C1QTNF3: variants seen among roughly 807,000 people sequenced by gnomAD.
C1QTNF3 encodes the protein C1q and TNF related 3.
Under a neutral mutation model 32.6 loss-of-function variants are expected in C1QTNF3, and 26 were observed. The observed-to-expected ratio is 0.80, with a 90% CI of 0.58 to 1.11. C1QTNF3 has a LOEUF of 1.11. C1QTNF3 is among the 50% of genes least tolerant of loss of function. The pLI is 0.00. For missense variants in C1QTNF3, 362 were observed against 398.2 expected (o/e 0.91, Z 0.77); for synonymous variants, 155 against 146.0 (o/e 1.06, Z -0.44).
chr5:34,025,250 CA>C (rs1561054653), intron 4 of C1QTNF3, among the ~76,000 whole-genome samples: 1 of 152,134 alleles, frequency 6.6e-6, no homozygotes, highest in Non-Finnish European at 1.5e-5. Flanking sequence ...TCACATTTTA[CA>C]AAATTTCCTA....
the C1QTNF3 span, among the ~76,000 whole-genome samples, chr5:34,146,106 C>T: frequency 6.6e-6 from 1 of 152,090 alleles, no homozygotes; most frequent in East Asian, 1.9e-4. Flanking sequence ...GACAAAGGTG[C>T]CCACTCTCAC....
the C1QTNF3 span, among the ~76,000 whole-genome samples, chr5:34,109,169 T>TC: frequency 7.1e-6 from 1 of 141,050 alleles, no homozygotes; most frequent in Non-Finnish European, 1.5e-5. Flanking sequence ...ATTCAAGCAG[T>TC]CCCTAGAAGC....
At chr5:34,207,443 T>C in the C1QTNF3 span, among the ~76,000 whole-genome samples, 1 of 152,188 alleles carries the variant, frequency 6.6e-6, no homozygotes, top group Non-Finnish European at 1.5e-5. Flanking sequence ...AAAATGTTTG[T>C]TGCAAGCTAT....
chr5:34,210,172 G>C, the C1QTNF3 span, among the ~76,000 whole-genome samples: 2 of 151,922 alleles, frequency 1.3e-5, no homozygotes, highest in African/African-American at 4.8e-5. Flanking sequence ...TAGGTTTTCA[G>C]TTTCTGATGT....
the C1QTNF3 span, among the ~76,000 whole-genome samples, chr5:34,239,758 C>T: frequency 6.6e-6 from 1 of 152,100 alleles, no homozygotes. Flanking sequence ...AAACTGTGTA[C>T]TTAAACTTCA....
the C1QTNF3 span, among the ~76,000 whole-genome samples, chr5:34,050,781 T>C: frequency 6.6e-6 from 1 of 152,228 alleles, no homozygotes; most frequent in Admixed American, 6.5e-5. Context: ...ACATGGCTTC[T>C]CTTCCTAAGT....
chr5:34,122,062 A>C, the C1QTNF3 span, among the ~76,000 whole-genome samples: 2 of 152,372 alleles, frequency 1.3e-5, no homozygotes, highest in Admixed American at 1.3e-4. Context: ...AATTTATTAC[A>C]GCAATTCAAA....
the C1QTNF3 span, among the ~76,000 whole-genome samples, chr5:34,051,165 C>T: frequency 6.6e-6 from 1 of 152,192 alleles, no homozygotes; most frequent in Non-Finnish European, 1.5e-5. Context: ...CAAAATGGGA[C>T]ACTACAGCAA....
the C1QTNF3 span, among the ~76,000 whole-genome samples, chr5:34,074,497 A>T: frequency 9.2e-5 from 14 of 151,548 alleles, no homozygotes; most frequent in Admixed American, 8.5e-4. Context: ...CAACCTTGTC[A>T]TCTCTCCTTC....
the C1QTNF3 span, among the ~76,000 whole-genome samples, chr5:34,175,166 C>T: frequency 6.6e-6 from 1 of 151,912 alleles, no homozygotes; most frequent in South Asian, 2.1e-4. Flanking sequence ...GCCTCAGCCT[C>T]CCAAGCAGCT....
At chr5:34,093,954 T>G in the C1QTNF3 span, among the ~76,000 whole-genome samples, 1,869 of 152,272 alleles carry the variant, frequency 0.012, 22 homozygotes, top group South Asian at 0.029. Flanking sequence ...ACTCTTCAAG[T>G]GTCCATGTGC....
chr5:34,154,319 T>C, the C1QTNF3 span, among the ~76,000 whole-genome samples: 97,446 of 152,036 alleles, frequency 0.64, 31,497 homozygotes, highest in African/African-American at 0.66. Flanking sequence ...TATTCAATCA[T>C]TCAAATATGT....
At chr5:34,236,093 A>G in the C1QTNF3 span, among the ~76,000 whole-genome samples, 1 of 152,210 alleles carries the variant, frequency 6.6e-6, no homozygotes, top group African/African-American at 2.4e-5. Flanking sequence ...GGGATTTTGG[A>G]GACTAAGTTG....
chr5:34,042,994 G>C lies in C1QTNF3; in HGVS notation c.132C>G (p.His44Gln). 1 of 1,614,174 alleles carries C rather than the reference G, an allele frequency of 6.2e-7. No homozygotes were observed. Among genetic ancestry groups the C allele is most frequent in the South Asian group, 1.1e-5 (1 of 91,070 alleles). The change falls in exon 1 of 6, where the codon CAC becomes CAG. Residue 44 changes from histidine (H) to glutamine (Q), a missense_variant. Transcript: ENST00000382065. ...NKVVARIVQS[H>Q]QQTGRSGSRR... is the part of the protein sequence containing the mutation. ...TGGAGCCGCTACGGCCAGTCTGCTG[G>C]TGGCTTTGCACTATTCTTGCCACCA...
chr5:34,224,738 A>G, the C1QTNF3 span, among the ~76,000 whole-genome samples: 42,390 of 151,996 alleles, frequency 0.28, 6,364 homozygotes, highest in East Asian at 0.53. Flanking sequence ...GGACATAGGC[A>G]TGGGCAAGGA....
chr5:34,065,304 C>T, the C1QTNF3 span, among the ~76,000 whole-genome samples: 2 of 152,058 alleles, frequency 1.3e-5, no homozygotes, highest in South Asian at 2.1e-4. Context: ...CATTACACAT[C>T]GTAAGAAAAA....
At chr5:34,142,357 G>C in the C1QTNF3 span, among the ~76,000 whole-genome samples, 80 of 152,058 alleles carry the variant, frequency 5.3e-4, 1 homozygote, top group South Asian at 0.016. Context: ...GCTTGAACCT[G>C]GGAGGCAGAG....
chr5:34,103,212 T>C, the C1QTNF3 span, among the ~76,000 whole-genome samples: 1 of 152,216 alleles, frequency 6.6e-6, no homozygotes, highest in African/African-American at 2.4e-5. Flanking sequence ...TGGGTTTTGC[T>C]GTTGTTATCC....
chr5:34,224,985 G>A, the C1QTNF3 span, among the ~76,000 whole-genome samples: 1 of 152,096 alleles, frequency 6.6e-6, no homozygotes, highest in Non-Finnish European at 1.5e-5. Context: ...ATCAAAAAGT[G>A]GGCGAAGGAC....
Sources: gnomAD v4.1 joint callset for allele counts (sites outside exome capture counted in the v4.1 genomes callset) on GRCh38, gnomAD v4.1.1 for gene constraint, MANE v1.5 for transcripts, NCBI Gene and HGNC (gene_info 2026-07-23, HGNC 2026-07-21) for gene names.